WWOX: variants seen among roughly 807,000 people sequenced by gnomAD.
WWOX encodes the protein WW domain-containing oxidoreductase.
In WWOX, 69 loss-of-function variants were observed where a neutral mutation model predicts 46.2. The ratio of observed to expected loss-of-function variants is 1.49; its 90% CI spans 1.23 to 1.82. The LOEUF (loss-of-function observed/expected upper bound fraction) is 1.82, where lower values mean the gene tolerates loss of function less well. Among genes scored for constraint, WWOX ranks in the 40% most tolerant of loss-of-function variants. The pLI, the probability that WWOX is intolerant of heterozygous loss-of-function variation, is 0.00. For synonymous variants in WWOX, 359 were observed against 202.6 expected, an observed-to-expected ratio of 1.77 and a Z score of -6.56; for missense variants, 919 against 542.6, an observed-to-expected ratio of 1.69 and a Z score of -6.89.
intron 5 of WWOX, among the ~76,000 whole-genome samples, chr16:78,357,499 A>G (rs1441749240): frequency 1.3e-5 from 2 of 152,130 alleles, no homozygotes; most frequent in Admixed American, 6.6e-5. Context: ...TTCCTGCAAC[A>G]CTGTCTTTGT....
intron 5 of WWOX, among the ~76,000 whole-genome samples, chr16:78,202,453 G>A (rs1435138920): frequency 6.6e-5 from 10 of 152,176 alleles, no homozygotes; most frequent in African/African-American, 2.2e-4. Flanking sequence ...ACATAGCTAA[G>A]TTGGTCACCT....
At chr16:78,637,873 G>A (rs572890148) in intron 8 of WWOX, among the ~76,000 whole-genome samples, 1 of 152,230 alleles carries the variant, frequency 6.6e-6, no homozygotes, top group Admixed American at 6.5e-5. Context: ...CGCAGAGGGG[G>A]ACCTCTGTAA....
At chr16:78,565,142 A>G (rs1178631556) in intron 8 of WWOX, among the ~76,000 whole-genome samples, 1 of 152,238 alleles carries the variant, frequency 6.6e-6, no homozygotes, top group African/African-American at 2.4e-5. Flanking sequence ...AGGAACTCTG[A>G]CTTTGGCATT....
intron 8 of WWOX, among the ~76,000 whole-genome samples, chr16:78,763,645 C>T (rs905530823): frequency 3.9e-5 from 6 of 152,328 alleles, no homozygotes; most frequent in East Asian, 1.9e-4. Flanking sequence ...GTATGCCCAG[C>T]ACCTAGTACA....
intron 8 of WWOX, chr16:78,780,563 G>C (rs771408081): frequency 3.3e-5 from 5 of 152,194 alleles, no homozygotes; most frequent in African/African-American, 1.2e-4. Context: ...GGGAGTTAAA[G>C]AAATTAAACT....
intron 8 of WWOX, among the ~76,000 whole-genome samples, chr16:78,917,959 T>C (rs1045493179): frequency 2.6e-5 from 4 of 152,056 alleles, no homozygotes; most frequent in African/African-American, 9.7e-5. Flanking sequence ...CTTAGCACTT[T>C]GGGAAGTTGA....
At chr16:78,327,236 T>TC in intron 5 of WWOX, among the ~76,000 whole-genome samples, 1 of 152,170 alleles carries the variant, frequency 6.6e-6, no homozygotes, top group East Asian at 1.9e-4. Flanking sequence ...AATGGATGTG[T>TC]CATATCGGGA....
chr16:78,924,185 G>A (rs1490332436), intron 8 of WWOX, among the ~76,000 whole-genome samples: 1 of 152,168 alleles, frequency 6.6e-6, no homozygotes, highest in Admixed American at 6.5e-5. Context: ...GTAGACCGGG[G>A]AAGGTAGCTG....
intron 8 of WWOX, among the ~76,000 whole-genome samples, chr16:78,771,163 A>G (rs1167074125): frequency 6.6e-6 from 1 of 152,200 alleles, no homozygotes; most frequent in African/African-American, 2.4e-5. Flanking sequence ...TAAGGGATGG[A>G]GATCCATTTG....
intron 5 of WWOX, among the ~76,000 whole-genome samples, chr16:78,263,945 T>A (rs540216212): frequency 6.7e-6 from 1 of 148,864 alleles, no homozygotes; most frequent in Non-Finnish European, 1.5e-5. Context: ...GCTTGCCATC[T>A]CACGACTTTT....
At chr16:78,963,716 C>T (rs8052880) in intron 8 of WWOX, among the ~76,000 whole-genome samples, 97,353 of 152,054 alleles carry the variant, frequency 0.64, 31,947 homozygotes, top group African/African-American at 0.79. Context: ...ACTTAACACA[C>T]AGACACATAT....
chr16:78,896,462 C>T (rs1305391912), intron 8 of WWOX: 1 of 152,116 alleles, frequency 6.6e-6, no homozygotes, highest in South Asian at 2.1e-4. Flanking sequence ...ACTTGTGAGG[C>T]CAGCGTTGCT....
At chr16:78,817,169 ATTCTTT>A (rs1426601577) in intron 8 of WWOX, among the ~76,000 whole-genome samples, 7 of 26,598 alleles carry the variant, frequency 2.6e-4, no homozygotes, top group African/African-American at 1.1e-3. Context: ...CATTAGTGCT[ATTCTTT>A]TTTTTTTTTT....
chr16:78,254,075 TC>T (rs1304151221), intron 5 of WWOX, among the ~76,000 whole-genome samples: 13 of 151,974 alleles, frequency 8.6e-5, no homozygotes, highest in African/African-American at 2.4e-4. Context: ...GAAGAATTCT[TC>T]TTTTTTTTTT....
chr16:78,802,251 G>C (rs934141249), intron 8 of WWOX, among the ~76,000 whole-genome samples: 2 of 140,612 alleles, frequency 1.4e-5, no homozygotes, highest in African/African-American at 5.4e-5. Flanking sequence ...ATGCGTGCAA[G>C]GCTTTCTGTC....
chr16:78,282,540 G>T (rs1047968666), intron 5 of WWOX, among the ~76,000 whole-genome samples: 8 of 152,124 alleles, frequency 5.3e-5, no homozygotes, highest in Non-Finnish European at 7.3e-5. Context: ...TTTGATGGGG[G>T]TCAGGATGCT....
chr16:78,666,491 A>T (rs1235731988), intron 8 of WWOX, among the ~76,000 whole-genome samples: 1 of 152,168 alleles, frequency 6.6e-6, no homozygotes, highest in African/African-American at 2.4e-5. Context: ...ATTTGCCTTT[A>T]AAAAATTGTT....
intron 8 of WWOX, among the ~76,000 whole-genome samples, chr16:78,486,804 C>G (rs868826533): frequency 3.9e-5 from 6 of 152,174 alleles, no homozygotes; most frequent in Non-Finnish European, 7.3e-5. Flanking sequence ...GAACTCCTGA[C>G]TTCGTGATCC....
chr16:78,629,663 A>G (rs903534325), intron 8 of WWOX, among the ~76,000 whole-genome samples: 5 of 152,300 alleles, frequency 3.3e-5, no homozygotes, highest in Admixed American at 1.3e-4. Flanking sequence ...GGGCCTTTGC[A>G]CAGGCTCTTG....
Sources: allele counts gnomAD v4.1 joint callset (sites outside exome capture counted in the v4.1 genomes callset), GRCh38; gene constraint gnomAD v4.1.1; transcripts MANE v1.5; gene names NCBI Gene and HGNC (gene_info 2026-07-23, HGNC 2026-07-21).